Variants in OPN1LW observed in about 807,000 individuals in gnomAD.
OPN1LW encodes the protein opsin 1, long wave sensitive.
In OPN1LW, 4 loss-of-function variants were observed where a neutral mutation model predicts 18.1. The ratio of observed to expected loss-of-function variants is 0.22; its 90% confidence interval spans 0.11 to 0.51. The LOEUF is 0.51. Among genes scored for constraint, OPN1LW ranks in the 20% least tolerant of loss-of-function variants. The pLI is 0.97. For synonymous variants in OPN1LW, 86 were observed against 101.2 expected, an observed-to-expected ratio of 0.85 and a Z score of 0.90; for missense variants, 164 against 234.9, an observed-to-expected ratio of 0.70 and a Z score of 1.97.
chrX:154,150,853 G>A lies in OPN1LW; in HGVS notation c.310G>A (p.Val104Ile), dbSNP rs371146776. 4.2e-5 allele frequency: 50 copies of A among 1,196,511 alleles called. 1 individual carries two copies. The highest frequency in any genetic ancestry group is 1.3e-4 in the African/African-American group (7 of 54,033). The change falls in exon 2 of 6, where the codon GTC (valine) becomes ATC (isoleucine). Residue 104 changes from valine to isoleucine, a missense_variant. By Grantham distance (29) the Val-to-Ile change is conservative. Around this residue, in one of 3 missense-constraint regions of OPN1LW, gnomAD observed 106 missense variants for 167.7 expected, o/e 0.63. Transcript: ENST00000369951. ...NLAVADLAET[V>I]IASTISIVNQ... Reference sequence around the variant, plus strand: ...GGCGGTCGCTGACCTAGCAGAGACCGTCATCGCCAGCACTATCAGCATTGT... The same window carrying A: ...GGCGGTCGCTGACCTAGCAGAGACCATCATCGCCAGCACTATCAGCATTGT...
chrX:154,148,960 C>G (rs1191337644), intron 1 of OPN1LW, among the ~76,000 whole-genome samples: 1 of 104,538 alleles, frequency 9.6e-6, no homozygotes, highest in Non-Finnish European at 1.9e-5. Flanking sequence ...AATCCCAGCA[C>G]TTTGGGAGGC....
In OPN1LW at chrX:154,148,875, C is replaced by T. The variant is rs781801563; in HGVS notation, c.113-1781C>T. On this transcript the variant is annotated intron_variant, in intron 1 of 5. Transcript: ENST00000369951. Reference sequence around the variant, plus strand: ...AAAGTCTCTGGTGAGAAAGACAAGACTTGTACTTGTGTCTCAGTACTGGCT... The same window carrying T: ...AAAGTCTCTGGTGAGAAAGACAAGATTTGTACTTGTGTCTCAGTACTGGCT... Among the ~76,000 whole-genome samples, 14 of 105,363 alleles carry T rather than the reference C, an allele frequency of 1.3e-4. No homozygotes were observed. In the South Asian group the frequency reaches 5.2e-3, roughly 39 times the overall value. 91.5% of individuals were successfully genotyped at this position (105,363 alleles called of 115,157 possible). A position where few individuals can be genotyped will look rare whatever the true frequency, so the allele number is the denominator to read the frequency against.
At position 154,150,858 on chromosome X, in the gene OPN1LW, C is replaced by T. The variant is rs781829645; in HGVS notation, c.315C>T (p.Ile105=). Residue 105 remains isoleucine (I), a synonymous_variant, in exon 2 of 6, where the codon ATC becomes ATT. Coordinates refer to ENST00000369951, the MANE Select transcript of OPN1LW (RefSeq NM_020061.6). ...TCGCTGACCTAGCAGAGACCGTCAT[C>T]GCCAGCACTATCAGCATTGTGAACC... ...LAVADLAETV[I]ASTISIVNQV... is the part of the protein sequence containing the mutation. The T allele has an allele frequency of 5.0e-6, 6 of 1,197,899 alleles. No homozygotes were observed. In the Admixed American group the frequency reaches 6.6e-5, roughly 13 times the overall value.
chrX:154,148,123 G>A (rs1285008845), intron 1 of OPN1LW, among the ~76,000 whole-genome samples: 1 of 100,085 alleles, frequency 1.0e-5, no homozygotes, highest in Non-Finnish European at 1.9e-5. Context: ...CCAGATACTC[G>A]AGAGGCTGAG....
At chrX:154,151,156 C>G (rs1557157503) in intron 2 of OPN1LW, among the ~76,000 whole-genome samples, 1 of 87,779 alleles carries the variant, frequency 1.1e-5, no homozygotes, top group African/African-American at 4.8e-5. Context: ...TCAAACATAC[C>G]CTGAGTTCCT....
chrX:154,149,765 GTTTGT>G (rs201880997), intron 1 of OPN1LW, among the ~76,000 whole-genome samples: 3,408 of 38,789 alleles, frequency 0.088, 235 homozygotes, highest in Middle Eastern at 0.15. Context: ...TCTTTTTCTT[GTTTGT>G]TTTAATTAAA....
chrX:154,149,720 A>G (rs1429764649), intron 1 of OPN1LW, among the ~76,000 whole-genome samples: 20 of 58,546 alleles, frequency 3.4e-4, no homozygotes, highest in Non-Finnish European at 5.3e-4. Flanking sequence ...GTATCCTCAC[A>G]TGGAAGAAAG....
chrX:154,149,314 G>A (rs2067066672), intron 1 of OPN1LW, among the ~76,000 whole-genome samples: 1 of 103,950 alleles, frequency 9.6e-6, no homozygotes, highest in Non-Finnish European at 1.9e-5. Context: ...GATCTCTTGA[G>A]GTCAGGAGTT....
chrX:154,149,335 C>A (rs1235994435), intron 1 of OPN1LW, among the ~76,000 whole-genome samples: 1 of 103,613 alleles, frequency 9.7e-6, no homozygotes, highest in African/African-American at 4.2e-5. Context: ...TGAGACCAGC[C>A]TGGTCAACAT....
intron 1 of OPN1LW, among the ~76,000 whole-genome samples, chrX:154,148,607 A>T (rs1412822119): frequency 1.9e-5 from 2 of 103,000 alleles, no homozygotes; most frequent in Non-Finnish European, 3.8e-5. Flanking sequence ...CATAATCATA[A>T]TCAGGACAGC....
At chrX:154,156,227 C>G in intron 4 of OPN1LW, 67 bp from the exon 5 acceptor site, 6 of 1,146,429 alleles carry the variant, frequency 5.2e-6, no homozygotes, top group Non-Finnish European at 5.8e-6. Flanking sequence ...CCCACAACTC[C>G]CTATGCCTGG....
Position 154,154,662 on chromosome X carries a change from C to A in OPN1LW, c.667C>A (p.Leu223Ile). 8.4e-6 allele frequency: 10 copies of A among 1,193,146 alleles called. No individual in the cohort carries two copies. The highest frequency in any genetic ancestry group is 1.0e-5 in the Non-Finnish European group (9 of 883,518). The part of the protein sequence containing the change: ...YPGVQSYMIV[L>I]MVTCCIIPLA... ...CGGGGTGCAGTCTTACATGATTGTC[C>A]TCATGGTCACCTGCTGCATCATCCC... The change falls in exon 4 of 6, where the codon CTC (leucine) becomes ATC (isoleucine). Residue 223 changes from leucine to isoleucine, a missense_variant. Coordinates refer to ENST00000369951, the MANE Select transcript of OPN1LW (RefSeq NM_020061.6).
rs782682680 is a variant in OPN1LW at position 154,150,967 on chromosome X, G to T, written c.409+15G>T. The T allele has an allele frequency of 4.2e-6, 5 of 1,179,781 alleles. No individual in the cohort carries two copies. Among genetic ancestry groups the T allele is most frequent in the Non-Finnish European group, 5.7e-6 (5 of 884,775 alleles). ...CTCCCTGTGTGGTAAGCCAGTCGGG[G>T]CCCAGGCTCGGCGGAAACCACTCAT... On this transcript the variant is annotated intron_variant, in intron 2 of 5. Transcript: ENST00000369951.
chrX:154,148,902 C>T (rs1324129947), intron 1 of OPN1LW, among the ~76,000 whole-genome samples: 1 of 105,372 alleles, frequency 9.5e-6, no homozygotes, highest in Non-Finnish European at 1.9e-5. Flanking sequence ...GTACTGGCTG[C>T]TATAAGAAAT....
Position 154,150,655 on chromosome X carries a change from GGCCCCTTC to G in OPN1LW, c.114_121del (p.Pro39ArgfsTer58), listed in dbSNP as rs1557157391. 8.4e-7 allele frequency: 1 copy of G among 1,194,469 alleles called. No individual in the cohort carries two copies. ...CTCTCTCCTCTGCCTCCTGCCCTCA[GGCCCCTTC>G]GAAGGCCCGAATTACCACATCGCTC... On this transcript the variant is annotated frameshift_variant and splice_region_variant, in exon 2 of 6. Coordinates refer to ENST00000369951, the MANE Select transcript of OPN1LW (RefSeq NM_020061.6). LOFTEE classifies it high-confidence loss of function.
chrX:154,144,252 G>A lies in OPN1LW; in HGVS notation c.-32G>A, dbSNP rs1364936833. On this transcript the variant is annotated 5_prime_UTR_variant, in exon 1 of 6. Transcript: ENST00000369951. ...GACCCTCAGGTGATGCGCCAGGGCCGGCTGCCGTCGGGGACAGGGCTTTCC... is the reference window on the plus strand; with the variant it reads ...GACCCTCAGGTGATGCGCCAGGGCCAGCTGCCGTCGGGGACAGGGCTTTCC... 6 of 1,208,425 alleles carry A rather than the reference G, an allele frequency of 5.0e-6. No homozygotes were observed. Among genetic ancestry groups the A allele is most frequent in the Admixed American group, 4.4e-5 (2 of 45,910 alleles).
intron 1 of OPN1LW, 96 bp downstream of exon 1, chrX:154,144,491 C>T: frequency 1.6e-6 from 1 of 609,728 alleles, no homozygotes; most frequent in Non-Finnish European, 2.4e-6. Flanking sequence ...TGCACGTCCC[C>T]ACCAGCAGAG....
In OPN1LW at chrX:154,148,135, CAGG is replaced by C. The variant is rs1401111257; in HGVS notation, c.113-2516_113-2514del. Reference sequence around the variant, plus strand: ...GTCCCAGATACTCGAGAGGCTGAGGCAGGAGGATCGCTTGAGCCCAGGAGGATC... The same window carrying C: ...GTCCCAGATACTCGAGAGGCTGAGGCAGGATCGCTTGAGCCCAGGAGGATC... On this transcript the variant is annotated intron_variant, in intron 1 of 5. Coordinates refer to ENST00000369951, the MANE Select transcript of OPN1LW (RefSeq NM_020061.6). 5.0e-5 allele frequency among the ~76,000 whole-genome samples: 5 copies of C among 100,970 alleles called. No individual in the cohort carries two copies. The East Asian group carries it at 1.5e-3, about 30-fold the overall frequency. The allele number at this position is 100,970 out of a possible 115,157, so 87.7% of individuals were successfully genotyped here.
Position 154,144,384 on chromosome X carries a change from A to G in OPN1LW, c.101A>G (p.Asn34Ser). The change falls in exon 1 of 6, where the codon AAC becomes AGC. Residue 34 changes from asparagine to serine, a missense_variant. Asn to Ser is a conservative substitution (Grantham distance 46). Around this residue, in one of 3 missense-constraint regions of OPN1LW, gnomAD observed 106 missense variants for 167.7 expected, o/e 0.63. Transcript: ENST00000369951. ...AGCATCTTCACCTACACCAACAGCA[A>G]CTCCACCAGAGGTGAGCCAGCAGGC... ...QSSIFTYTNS[N>S]STRGPFEGPN... is the part of the protein sequence containing the mutation. 1 of 1,155,783 alleles carries G rather than the reference A, an allele frequency of 8.7e-7. No homozygotes were observed. Among genetic ancestry groups the G allele is most frequent in the Non-Finnish European group, 1.2e-6 (1 of 863,543 alleles).
Sources: gnomAD v4.1 joint callset for allele counts (sites outside exome capture counted in the v4.1 genomes callset) on GRCh38, gnomAD v4.1.1 for gene constraint, gnomAD v4.1.1 regional missense constraint, MANE v1.5 for transcripts, NCBI Gene and HGNC (gene_info 2026-07-23, HGNC 2026-07-21) for gene names.